Variants in AGBL1 observed in about 807,000 individuals in gnomAD.
AGBL1 encodes the protein AGBL carboxypeptidase 1.
Under a neutral mutation model 118.9 loss-of-function variants are expected in AGBL1, and 130 were observed. The ratio of observed to expected loss-of-function variants is 1.09; its 90% CI spans 0.95 to 1.26. The LOEUF is 1.26. Among genes scored for constraint, AGBL1 ranks in the 50% most tolerant of loss-of-function variants. The pLI, the probability that AGBL1 is intolerant of heterozygous loss-of-function variation, is 0.00. For synonymous variants in AGBL1, 555 were observed against 478.9 expected (o/e 1.16, Z -2.08); for missense variants, 1,584 against 1,298.1 (o/e 1.22, Z -3.38).
intron 6 of AGBL1, among the ~76,000 whole-genome samples, chr15:86,235,337 G>A (rs751976035): frequency 3.3e-5 from 5 of 152,160 alleles, no homozygotes; most frequent in South Asian, 2.1e-4. Context: ...AAGTGAATGC[G>A]TGCAGATTGA....
chr15:86,094,512 T>C (rs1896230665), intron 1 of AGBL1, among the ~76,000 whole-genome samples: 1 of 152,072 alleles, frequency 6.6e-6, no homozygotes, highest in Non-Finnish European at 1.5e-5. Context: ...AGTGCCTGGA[T>C]CTACATGTGG....
intron 23 of AGBL1, among the ~76,000 whole-genome samples, chr15:86,933,726 C>T (rs563194975): frequency 2.0e-5 from 3 of 152,284 alleles, no homozygotes; most frequent in East Asian, 3.9e-4. Context: ...TTCCGTGTAT[C>T]CGGTTCCTTC....
intron 18 of AGBL1, among the ~76,000 whole-genome samples, chr15:86,479,232 G>T (rs1209286293): frequency 1.4e-4 from 21 of 152,188 alleles, no homozygotes. Flanking sequence ...ATTGACAAAT[G>T]AGATCTAATT....
At chr15:86,565,935 G>A (rs372108772) in intron 21 of AGBL1, among the ~76,000 whole-genome samples, 17 of 152,214 alleles carry the variant, frequency 1.1e-4, no homozygotes, top group South Asian at 6.2e-4. Context: ...TGAGCCAGGC[G>A]CGGGATATAA....
rs527616731 is a variant in AGBL1, at chr15:86,539,629, C to G, written c.2686-6373C>G. Among the ~76,000 whole-genome samples, 12 of 152,344 alleles carry G rather than the reference C, an allele frequency of 7.9e-5. 1 individual carries two copies. The South Asian group carries it at 2.5e-3, about 32-fold the overall frequency. ...AGATACCTAATTTATTCTCCTTTCA[C>G]TCTACCCTCTTATTCCAAATTATTG... is the stretch of plus-strand genomic sequence containing the variant. On this transcript the variant is annotated intron_variant, in intron 19 of 22. Coordinates refer to ENST00000614907, the MANE Select transcript of AGBL1 (RefSeq NM_001386094.1).
At position 86,357,701 on chromosome 15, in the gene AGBL1, C is replaced by G. The variant is rs117596659; in HGVS notation, c.2375-39665C>G. ...GGGCACTTTCTTTGCTTTAACATAG[C>G]GTGCTTCTTTACTAAAATAATGTTC... On this transcript the variant is annotated intron_variant, in intron 17 of 22. Coordinates refer to ENST00000614907, the MANE Select transcript of AGBL1 (RefSeq NM_001386094.1). 1.9e-3 allele frequency among the ~76,000 whole-genome samples: 293 copies of G among 152,192 alleles called. 3 individuals carry two copies. In the East Asian group the frequency reaches 0.051, roughly 26 times the overall value.
intron 21 of AGBL1, among the ~76,000 whole-genome samples, chr15:86,596,669 T>C (rs1356008409): frequency 6.6e-6 from 1 of 152,130 alleles, no homozygotes; most frequent in Non-Finnish European, 1.5e-5. Flanking sequence ...ATCCTCCTAA[T>C]GTAGCCTACC....
At chr15:86,529,410 A>T (rs2083316735) in intron 19 of AGBL1, among the ~76,000 whole-genome samples, 5 of 132,308 alleles carry the variant, frequency 3.8e-5, no homozygotes, top group Admixed American at 3.5e-4. Flanking sequence ...TTTAGAGAAA[A>T]AAGAATAAAA....
chr15:86,278,911 A>C (rs1178666254), intron 15 of AGBL1, among the ~76,000 whole-genome samples: 2 of 152,138 alleles, frequency 1.3e-5, no homozygotes, highest in Admixed American at 1.3e-4. Flanking sequence ...GAAAATGTGC[A>C]CTCTCAAGCC....
rs1032072475 is a variant in AGBL1, at chr15:86,251,949, G to T, written c.735+4070G>T. ...TCAGAGAAAAGAACCACTCTTTGGA[G>T]CTACAACAGTTTAAGGGGCCTGAAA... On this transcript the variant is annotated intron_variant, in intron 7 of 22. Coordinates refer to ENST00000614907, the MANE Select transcript of AGBL1 (RefSeq NM_001386094.1). Among the ~76,000 whole-genome samples the T allele has an allele frequency of 7.9e-5, 12 of 152,154 alleles. 1 individual carries two copies. The highest frequency in any genetic ancestry group is 2.9e-4 in the African/African-American group (12 of 41,424).
intron 22 of AGBL1, among the ~76,000 whole-genome samples, chr15:86,899,129 G>C (rs1404382491): frequency 1.3e-5 from 2 of 152,104 alleles, no homozygotes; most frequent in Non-Finnish European, 2.9e-5. Flanking sequence ...CAAAGACATG[G>C]ATTCAATTTA....
At chr15:86,501,916 T>C (rs1435281952) in intron 18 of AGBL1, among the ~76,000 whole-genome samples, 1 of 151,592 alleles carries the variant, frequency 6.6e-6, no homozygotes, top group African/African-American at 2.4e-5. Context: ...CTTTGTGTAT[T>C]CCTTGTTCTT....
At chr15:86,125,237 T>C (rs906410848) in intron 1 of AGBL1, among the ~76,000 whole-genome samples, 3 of 152,184 alleles carry the variant, frequency 2.0e-5, no homozygotes, top group Non-Finnish European at 4.4e-5. Context: ...TAGCCATGGT[T>C]AACCAAGATA....
chr15:86,409,277 G>A (rs2081577837), intron 18 of AGBL1, among the ~76,000 whole-genome samples: 1 of 152,172 alleles, frequency 6.6e-6, no homozygotes, highest in Non-Finnish European at 1.5e-5. Context: ...GAGGGCCCTG[G>A]TTCTAGAGGG....
At position 87,024,856 on chromosome 15, in the gene AGBL1, A is replaced by T. The variant is rs566645020; in HGVS notation, c.3324-3969A>T. On this transcript the variant is annotated intron_variant, in intron 24 of 24. Coordinates refer to the AGBL1 transcript ENST00000441037. ...CAAGTCAATAAATGTGATACACCACATAAACAGAAATAAAAACAAAAACAC... is the reference window on the plus strand; with the variant it reads ...CAAGTCAATAAATGTGATACACCACTTAAACAGAAATAAAAACAAAAACAC... 4.6e-5 allele frequency among the ~76,000 whole-genome samples: 7 copies of T among 152,246 alleles called. No homozygotes were observed. The East Asian group carries it at 1.4e-3, about 29-fold the overall frequency.
At chr15:86,348,780 G>GAAAAAA (rs60441568) in intron 17 of AGBL1, among the ~76,000 whole-genome samples, 2 of 127,908 alleles carry the variant, frequency 1.6e-5, no homozygotes, top group Admixed American at 8.2e-5. Flanking sequence ...TGTCTCAAAA[G>GAAAAAA]AAAAAAAAAA....
At chr15:86,582,185 C>A (rs529499426) in intron 21 of AGBL1, among the ~76,000 whole-genome samples, 1 of 152,222 alleles carries the variant, frequency 6.6e-6, no homozygotes, top group African/African-American at 2.4e-5. Flanking sequence ...TATTGAGAAC[C>A]ATTGCTTAGT....
At chr15:86,677,019 C>T (rs1051706591) in intron 22 of AGBL1, among the ~76,000 whole-genome samples, 1 of 151,938 alleles carries the variant, frequency 6.6e-6, no homozygotes. Flanking sequence ...CTGTCTCAAA[C>T]AAACAACAAC....
chr15:86,570,900 A>G (rs2083996952), intron 21 of AGBL1, among the ~76,000 whole-genome samples: 1 of 152,086 alleles, frequency 6.6e-6, no homozygotes, highest in Non-Finnish European at 1.5e-5. Context: ...CCTGGATCCC[A>G]TGCCTGCCAA....
Sources: gnomAD v4.1 joint callset for allele counts (sites outside exome capture counted in the v4.1 genomes callset) on GRCh38, gnomAD v4.1.1 for gene constraint, MANE v1.5 for transcripts, NCBI Gene and HGNC (gene_info 2026-07-23, HGNC 2026-07-21) for gene names.